Variants in CNTN4 observed in about 807,000 individuals in gnomAD.
The protein encoded by CNTN4 is contactin 4.
Under a neutral mutation model 122.5 loss-of-function variants are expected in CNTN4, and 77 were observed. The ratio of observed to expected loss-of-function variants is 0.63; its 90% CI spans 0.52 to 0.76. The LOEUF is 0.76. CNTN4 is among the 30% of genes least tolerant of loss of function. The probability of loss-of-function intolerance (pLI) is 0.00; values close to 1 mark genes in which losing one functional copy is unlikely to be tolerated. For missense variants in CNTN4, 1,256 were observed against 1,259.1 expected (o/e 1.00, Z 0.04); for synonymous variants, 512 against 447.0 (o/e 1.15, Z -1.83).
chr3:2,513,211 T>C (rs2076941213), intron 3 of CNTN4, among the ~76,000 whole-genome samples: 3 of 152,226 alleles, frequency 2.0e-5, no homozygotes, highest in Non-Finnish European at 4.4e-5. Context: ...GATGGCTATA[T>C]GGTCCCTAAA....
intron 4 of CNTN4, among the ~76,000 whole-genome samples, chr3:2,578,420 C>G (rs1334448980): frequency 6.6e-6 from 1 of 152,132 alleles, no homozygotes; most frequent in East Asian, 1.9e-4. Flanking sequence ...TTTATCCCCA[C>G]CAGGATGGAG....
chr3:2,366,261 G>A (rs2045372662), intron 3 of CNTN4, among the ~76,000 whole-genome samples: 1 of 152,110 alleles, frequency 6.6e-6, no homozygotes, highest in Non-Finnish European at 1.5e-5. Context: ...AATTAACTGA[G>A]AATCCAGGAA....
chr3:3,007,290 G>T (rs757377048), intron 14 of CNTN4, among the ~76,000 whole-genome samples: 1 of 152,226 alleles, frequency 6.6e-6, no homozygotes, highest in Non-Finnish European at 1.5e-5. Context: ...GGATGGTGGT[G>T]TGAGCACTGG....
intron 6 of CNTN4, among the ~76,000 whole-genome samples, chr3:2,800,467 T>C (rs574180393): frequency 6.6e-6 from 1 of 152,362 alleles, no homozygotes; most frequent in Admixed American, 6.5e-5. Flanking sequence ...GTTTTGAATC[T>C]GGTAATTGTC....
At chr3:2,416,998 G>GAATT (rs2047441609) in intron 3 of CNTN4, among the ~76,000 whole-genome samples, 1 of 152,150 alleles carries the variant, frequency 6.6e-6, no homozygotes, top group Non-Finnish European at 1.5e-5. Context: ...TTGTTTAGCA[G>GAATT]AAGTCTCACA....
At chr3:2,338,270 A>G (rs1396998508) in intron 2 of CNTN4, among the ~76,000 whole-genome samples, 1 of 151,930 alleles carries the variant, frequency 6.6e-6, no homozygotes, top group Non-Finnish European at 1.5e-5. Flanking sequence ...TAATATAGAG[A>G]TGAATTATTT....
chr3:2,840,425 GC>G, intron 7 of CNTN4, among the ~76,000 whole-genome samples: 1 of 151,712 alleles, frequency 6.6e-6, no homozygotes. Context: ...GCTGGGGCCG[GC>G]GCGGTGGCTC....
chr3:2,120,351 TTATATA>T (rs1222126807), intron 2 of CNTN4, among the ~76,000 whole-genome samples: 11 of 45,980 alleles, frequency 2.4e-4, no homozygotes, highest in South Asian at 1.7e-3. Flanking sequence ...GGCATTTAGG[TTATATA>T]TATATATATA....
intron 3 of CNTN4, among the ~76,000 whole-genome samples, chr3:2,544,552 A>G (rs939909172): frequency 5.9e-5 from 9 of 152,094 alleles, no homozygotes; most frequent in Non-Finnish European, 7.4e-5. Flanking sequence ...TATAATTGGG[A>G]AAAGAAAACA....
At chr3:2,445,313 T>A (rs969090595) in intron 3 of CNTN4, among the ~76,000 whole-genome samples, 78 of 152,258 alleles carry the variant, frequency 5.1e-4, no homozygotes, top group Non-Finnish European at 1.3e-4. Context: ...ACCTGCATAT[T>A]CTTGGGATTC....
chr3:2,687,571 C>T (rs535905638), intron 4 of CNTN4, among the ~76,000 whole-genome samples: 1 of 152,086 alleles, frequency 6.6e-6, no homozygotes. Context: ...GATTGCTTGT[C>T]CTCAAGAGGT....
chr3:2,990,278 T>C (rs1326951200), intron 14 of CNTN4, among the ~76,000 whole-genome samples: 1 of 152,242 alleles, frequency 6.6e-6, no homozygotes, highest in East Asian at 1.9e-4. Context: ...TTGTTGTTTA[T>C]ATATTTTCAA....
intron 3 of CNTN4, among the ~76,000 whole-genome samples, chr3:2,570,566 G>T (rs529167509): frequency 5.3e-5 from 8 of 152,094 alleles, no homozygotes; most frequent in African/African-American, 1.9e-4. Flanking sequence ...TTGAAAAGTC[G>T]TAGATGCCCC....
chr3:2,514,224 G>A (rs9864826), intron 3 of CNTN4, among the ~76,000 whole-genome samples: 32,646 of 152,068 alleles, frequency 0.21, 5,240 homozygotes, highest in African/African-American at 0.46. Flanking sequence ...CGTCCTCAGC[G>A]GCATTTGGAA....
At chr3:2,813,560 T>C (rs886722169) in intron 6 of CNTN4, among the ~76,000 whole-genome samples, 1 of 152,322 alleles carries the variant, frequency 6.6e-6, no homozygotes, top group Non-Finnish European at 1.5e-5. Context: ...TCCTGGCCAT[T>C]TTAAAACTAA....
At chr3:2,898,328 T>G in intron 10 of CNTN4, among the ~76,000 whole-genome samples, 1 of 150,864 alleles carries the variant, frequency 6.6e-6, no homozygotes, top group African/African-American at 2.5e-5. Context: ...ACTTTAAAAA[T>G]AAAGAAAGTG....
chr3:2,416,408 T>G (rs944575194), intron 3 of CNTN4, among the ~76,000 whole-genome samples: 2 of 152,206 alleles, frequency 1.3e-5, no homozygotes, highest in Non-Finnish European at 2.9e-5. Context: ...ATATAACATA[T>G]GTAAAATGTA....
chr3:2,582,068 A>C (rs1043319313), intron 4 of CNTN4, among the ~76,000 whole-genome samples: 7 of 152,216 alleles, frequency 4.6e-5, no homozygotes, highest in Non-Finnish European at 1.0e-4. Flanking sequence ...GGCATTAGAA[A>C]GCGGTGATGG....
intron 4 of CNTN4, among the ~76,000 whole-genome samples, chr3:2,640,100 G>C (rs1211262441): frequency 6.6e-6 from 1 of 152,172 alleles, no homozygotes; most frequent in African/African-American, 2.4e-5. Flanking sequence ...GGGGGCTAAA[G>C]GATTAGAAAT....
Sources: gnomAD v4.1 joint callset for allele counts (sites outside exome capture counted in the v4.1 genomes callset) on GRCh38, gnomAD v4.1.1 for gene constraint, MANE v1.5 for transcripts, NCBI Gene and HGNC (gene_info 2026-07-23, HGNC 2026-07-21) for gene names.